FAM13B: variants seen among roughly 807,000 people sequenced by gnomAD.
FAM13B encodes the protein family with sequence similarity 13 member B.
In FAM13B, 60 loss-of-function variants were observed where a neutral mutation model predicts 117.3. The observed-to-expected ratio is 0.51, with a 90% confidence interval of 0.42 to 0.63. The LOEUF (loss-of-function observed/expected upper bound fraction) is 0.63, where lower values mean the gene tolerates loss of function less well. Among genes scored for constraint, FAM13B ranks in the 30% least tolerant of loss-of-function variants. The pLI is 0.00. For missense variants in FAM13B, 972 were observed against 1,091.9 expected (o/e 0.89, Z 1.55); for synonymous variants, 332 against 356.1 (o/e 0.93, Z 0.76).
Position 137,939,762 on chromosome 5 carries a change from T to C in FAM13B, c.*463A>G, listed in dbSNP as rs1761106431. 1 of 808,832 alleles carries C rather than the reference T, an allele frequency of 1.2e-6. No homozygotes were observed. The highest frequency in any genetic ancestry group is 1.6e-6 in the Non-Finnish European group (1 of 633,006). 50.1% of individuals were successfully genotyped at this position (808,832 alleles called of 1,614,324 possible). A position where few individuals can be genotyped will look rare whatever the true frequency, so the allele number is the denominator to read the frequency against. On this transcript the variant is annotated 3_prime_UTR_variant, in exon 24 of 24. Transcript: ENST00000689681. ...AAAACAGAGAACACAGTTGCGTATG[T>C]GCACTTTTATAGGCTTTTCTTTCAA...
chr5:137,954,484 G>T, intron 14 of FAM13B, 108 bp from the exon 15 acceptor site: 3 of 683,696 alleles, frequency 4.4e-6, no homozygotes, highest in Non-Finnish European at 7.3e-6. Flanking sequence ...TTATGTAGTG[G>T]TTCATATATA....
At chr5:138,025,035 T>G (rs1787913528) in intron 1 of FAM13B, among the ~76,000 whole-genome samples, 1 of 151,994 alleles carries the variant, frequency 6.6e-6, no homozygotes, top group Non-Finnish European at 1.5e-5. Flanking sequence ...CATGCACGGC[T>G]AATTTTTTTG....
chr5:137,948,581 G>C (rs925470732), intron 18 of FAM13B, among the ~76,000 whole-genome samples: 3 of 152,040 alleles, frequency 2.0e-5, no homozygotes, highest in Non-Finnish European at 2.9e-5. Flanking sequence ...TATTTGTAGA[G>C]ACAGGGTCTC....
chr5:137,972,343 C>T (rs1772455406), intron 10 of FAM13B, among the ~76,000 whole-genome samples: 1 of 152,102 alleles, frequency 6.6e-6, no homozygotes, highest in Non-Finnish European at 1.5e-5. Context: ...AGCATATAAA[C>T]AGAACCAAAG....
intron 7 of FAM13B, among the ~76,000 whole-genome samples, chr5:138,005,543 T>C (rs567415216): frequency 6.6e-6 from 1 of 151,764 alleles, no homozygotes; most frequent in South Asian, 2.1e-4. Context: ...AATGTTAGAA[T>C]ACAGTTAAAT....
chr5:137,970,597 T>C (rs1248588592), intron 10 of FAM13B, among the ~76,000 whole-genome samples: 1 of 151,360 alleles, frequency 6.6e-6, no homozygotes, highest in Non-Finnish European at 1.5e-5. Flanking sequence ...CAGGATCAAA[T>C]TCACACATAA....
At chr5:138,024,697 A>G (rs1787737487) in intron 1 of FAM13B, among the ~76,000 whole-genome samples, 1 of 152,076 alleles carries the variant, frequency 6.6e-6, no homozygotes, top group South Asian at 2.1e-4. Context: ...AAGCAGTTCA[A>G]TAAAAGGATT....
intron 7 of FAM13B, among the ~76,000 whole-genome samples, chr5:137,995,036 A>G (rs1230313015): frequency 5.3e-5 from 8 of 152,214 alleles, no homozygotes. Context: ...AGCCTTGGAA[A>G]CCATTCTGAA....
intron 6 of FAM13B, 116 bp downstream of exon 6, chr5:138,010,892 T>C (rs1455362205): frequency 3.7e-6 from 4 of 1,093,112 alleles, no homozygotes; most frequent in Non-Finnish European, 3.6e-6. Context: ...ACCAAGATAA[T>C]TACTTCCAGG....
intron 11 of FAM13B, 133 bp downstream of exon 11, chr5:137,962,272 T>C: frequency 1.4e-6 from 1 of 689,850 alleles, no homozygotes; most frequent in Non-Finnish European, 2.5e-6. Flanking sequence ...CCTACCATTA[T>C]AACAAGAAGG....
chr5:137,941,865 C>G, intron 23 of FAM13B, 79 bp downstream of exon 23: 2 of 1,183,412 alleles, frequency 1.7e-6, no homozygotes, highest in South Asian at 2.6e-5. Context: ...TCTAATCCCA[C>G]GTATTCCATT....
At chr5:138,049,770 A>G (rs1791748306) in intron 1 of FAM13B, among the ~76,000 whole-genome samples, 1 of 152,192 alleles carries the variant, frequency 6.6e-6, no homozygotes. Context: ...CTTATAACCC[A>G]AGAAAGCTTC....
At chr5:137,967,593 T>G (rs1197744394) in intron 10 of FAM13B, among the ~76,000 whole-genome samples, 1 of 151,926 alleles carries the variant, frequency 6.6e-6, no homozygotes. Flanking sequence ...TGTGGACAAC[T>G]GGAAACAGAA....
chr5:138,015,865 C>T (rs1489896793), intron 4 of FAM13B, among the ~76,000 whole-genome samples: 2 of 152,206 alleles, frequency 1.3e-5, no homozygotes, highest in African/African-American at 4.8e-5. Flanking sequence ...CCTAGCTGCA[C>T]AGCTATTAAA....
intron 7 of FAM13B, among the ~76,000 whole-genome samples, chr5:137,989,161 CCTT>C (rs1439682974): frequency 6.6e-6 from 1 of 152,216 alleles, no homozygotes; most frequent in Non-Finnish European, 1.5e-5. Context: ...TCTGTAGCTA[CCTT>C]GTCATTTTTT....
intron 18 of FAM13B, among the ~76,000 whole-genome samples, chr5:137,947,393 T>C (rs1763724049): frequency 6.6e-6 from 1 of 152,166 alleles, no homozygotes; most frequent in African/African-American, 2.4e-5. Context: ...AAACCAAAGA[T>C]AATACATTTG....
At chr5:138,011,627 C>G (rs1294966484) in intron 5 of FAM13B, 141 bp downstream of exon 5, 2 of 556,306 alleles carry the variant, frequency 3.6e-6, no homozygotes, top group East Asian at 7.2e-5. Context: ...ACCGTGTTAG[C>G]CAGGATGGTC....
At chr5:137,990,588 A>G (rs900900535) in intron 7 of FAM13B, among the ~76,000 whole-genome samples, 2 of 152,122 alleles carry the variant, frequency 1.3e-5, no homozygotes, top group Non-Finnish European at 2.9e-5. Context: ...TAGTAGGTAA[A>G]TGGATACAAG....
intron 1 of FAM13B, among the ~76,000 whole-genome samples, chr5:138,045,649 T>C (rs1791620155): frequency 6.6e-6 from 1 of 152,030 alleles, no homozygotes; most frequent in Non-Finnish European, 1.5e-5. Flanking sequence ...GAATGGCTCT[T>C]TTATAAAGTT....
Sources: gnomAD v4.1 joint callset for allele counts (sites outside exome capture counted in the v4.1 genomes callset) on GRCh38, gnomAD v4.1.1 for gene constraint, MANE v1.5 for transcripts, NCBI Gene and HGNC (gene_info 2026-07-23, HGNC 2026-07-21) for gene names.